RSRC1: variants seen among roughly 807,000 people sequenced by gnomAD.
RSRC1 encodes the protein serine/Arginine-related protein 53.
In RSRC1, 39 loss-of-function variants were observed where a neutral mutation model predicts 49.1. The ratio of observed to expected loss-of-function variants is 0.79; its 90% CI spans 0.61 to 1.04. RSRC1 has a LOEUF of 1.04. Ranked by LOEUF, RSRC1 falls within the 50% of genes least tolerant of loss-of-function variation. The pLI is 0.00. For synonymous variants in RSRC1, 143 were observed against 130.8 expected (o/e 1.09, Z -0.63); for missense variants, 388 against 402.4 (o/e 0.96, Z 0.31).
chr3:158,488,095 G>A (rs1175454736), intron 7 of RSRC1, among the ~76,000 whole-genome samples: 7 of 151,756 alleles, frequency 4.6e-5, no homozygotes, highest in African/African-American at 1.7e-4. Flanking sequence ...GCACAAAAAC[G>A]TGGACACTGA....
intron 6 of RSRC1, among the ~76,000 whole-genome samples, chr3:158,424,355 G>C (rs553521526): frequency 6.6e-4 from 100 of 151,948 alleles, no homozygotes; most frequent in African/African-American, 2.4e-3. Context: ...TTTTGTCTTT[G>C]GTTCTGTTTA....
At chr3:158,282,942 A>G (rs1726265703) in intron 4 of RSRC1, among the ~76,000 whole-genome samples, 1 of 152,178 alleles carries the variant, frequency 6.6e-6, no homozygotes, top group South Asian at 2.1e-4. Flanking sequence ...ATAGGAGCCA[A>G]AACTAACATA....
At chr3:158,211,637 G>A (rs895229827) in intron 4 of RSRC1, among the ~76,000 whole-genome samples, 1 of 151,824 alleles carries the variant, frequency 6.6e-6, no homozygotes, top group South Asian at 2.1e-4. Context: ...CAATATACCC[G>A]GTAGTCTTTT....
At chr3:158,538,758 C>A (rs1032238781) in intron 8 of RSRC1, among the ~76,000 whole-genome samples, 2 of 151,860 alleles carry the variant, frequency 1.3e-5, no homozygotes, top group Non-Finnish European at 2.9e-5. Flanking sequence ...TATAAAGCTT[C>A]ATAAGGTGGC....
chr3:158,364,267 T>C (rs1731636340), intron 6 of RSRC1, among the ~76,000 whole-genome samples: 1 of 150,262 alleles, frequency 6.7e-6, no homozygotes, highest in Admixed American at 6.7e-5. Context: ...CTGAAAGAGG[T>C]TTTGTCTGTA....
At chr3:158,411,518 T>TG (rs1364273892) in intron 6 of RSRC1, among the ~76,000 whole-genome samples, 3 of 149,960 alleles carry the variant, frequency 2.0e-5, no homozygotes, top group South Asian at 2.1e-4. Context: ...CTCTTTTTTT[T>TG]TTGTTTGTTT....
intron 6 of RSRC1, among the ~76,000 whole-genome samples, chr3:158,435,797 C>A (rs1482646273): frequency 1.3e-5 from 2 of 151,550 alleles, no homozygotes; most frequent in African/African-American, 4.8e-5. Flanking sequence ...AAACATACAT[C>A]TTTTAACTAG....
chr3:158,247,513 T>A (rs995751585), intron 4 of RSRC1, among the ~76,000 whole-genome samples: 1 of 152,206 alleles, frequency 6.6e-6, no homozygotes, highest in African/African-American at 2.4e-5. Flanking sequence ...AGGGTTTTGC[T>A]CTTCTTTGTG....
At chr3:158,298,628 G>A (rs994721055) in intron 5 of RSRC1, among the ~76,000 whole-genome samples, 2 of 152,018 alleles carry the variant, frequency 1.3e-5, no homozygotes, top group African/African-American at 2.4e-5. Flanking sequence ...AACTGATTTA[G>A]CATTAAAATC....
chr3:158,288,180 G>C (rs1726688286), intron 4 of RSRC1, among the ~76,000 whole-genome samples: 1 of 152,166 alleles, frequency 6.6e-6, no homozygotes, highest in Admixed American at 6.5e-5. Flanking sequence ...AACACTGCCA[G>C]GTCATGCTGG....
At chr3:158,177,296 A>C (rs1049714385) in intron 3 of RSRC1, among the ~76,000 whole-genome samples, 7 of 152,254 alleles carry the variant, frequency 4.6e-5, no homozygotes, top group Non-Finnish European at 8.8e-5. Context: ...TTCTGCATAT[A>C]TACCCAAAGG....
At position 158,388,758 on chromosome 3, in the gene RSRC1, C is replaced by T. The variant is rs141599039; in HGVS notation, c.583+33850C>T. Among the ~76,000 whole-genome samples, 864 of 152,138 alleles carry T rather than the reference C, an allele frequency of 5.7e-3. 11 individuals carry two copies. Among genetic ancestry groups the T allele is most frequent in the African/African-American group, 0.02 (841 of 41,522 alleles). The stretch of plus-strand genomic sequence containing the variant: ...CAGGGTAGCTTGCACTACAGGCACA[C>T]GCCACCATGCCCAGCTAATTTTTTG... On this transcript the variant is annotated intron_variant, in intron 6 of 9. Coordinates refer to ENST00000611884, the MANE Select transcript of RSRC1 (RefSeq NM_001271838.2).
At chr3:158,540,968 C>T (rs771419166) in intron 8 of RSRC1, among the ~76,000 whole-genome samples, 21 of 152,150 alleles carry the variant, frequency 1.4e-4, no homozygotes, top group Non-Finnish European at 2.1e-4. Context: ...CCCACAGTTA[C>T]CCAGCTTTCT....
intron 4 of RSRC1, among the ~76,000 whole-genome samples, chr3:158,239,199 A>C (rs1386652584): frequency 6.6e-6 from 1 of 152,100 alleles, no homozygotes. Flanking sequence ...ATCATTAAAA[A>C]GTCAGGAAAC....
Position 158,255,879 on chromosome 3 carries a change from T to C in RSRC1, c.495-42160T>C, listed in dbSNP as rs143410758. On this transcript the variant is annotated intron_variant, in intron 4 of 9. Coordinates refer to ENST00000611884, the MANE Select transcript of RSRC1 (RefSeq NM_001271838.2). ...GTTATTGGTGTCTGTTATTGGTGTA[T>C]AGGAATGCTTGTGATTTTTGCAAAT... 8.9e-3 allele frequency among the ~76,000 whole-genome samples: 1,352 copies of C among 152,286 alleles called. 17 individuals carry two copies. The highest frequency in any genetic ancestry group is 0.031 in the African/African-American group (1,295 of 41,552).
chr3:158,241,549 C>G (rs1304127000), intron 4 of RSRC1, among the ~76,000 whole-genome samples: 1 of 148,766 alleles, frequency 6.7e-6, no homozygotes, highest in Non-Finnish European at 1.5e-5. Context: ...TTTTTTTTTT[C>G]TAAAATCCTG....
chr3:158,149,430 C>G (rs766737486), intron 3 of RSRC1, among the ~76,000 whole-genome samples: 2 of 152,096 alleles, frequency 1.3e-5, no homozygotes, highest in Non-Finnish European at 2.9e-5. Flanking sequence ...CTGGTTTGGT[C>G]ACGCGTGACT....
At chr3:158,435,264 T>C (rs947189999) in intron 6 of RSRC1, among the ~76,000 whole-genome samples, 3 of 151,942 alleles carry the variant, frequency 2.0e-5, no homozygotes, top group African/African-American at 7.2e-5. Context: ...GCTTAACTTG[T>C]AGGTCTTAAT....
intron 6 of RSRC1, among the ~76,000 whole-genome samples, chr3:158,356,284 T>A (rs190038675): frequency 6.6e-6 from 1 of 152,132 alleles, no homozygotes; most frequent in Admixed American, 6.5e-5. Context: ...ATAATAGTTA[T>A]ATTTTTAGGA....
Sources: gnomAD v4.1 joint callset for allele counts (sites outside exome capture counted in the v4.1 genomes callset) on GRCh38, gnomAD v4.1.1 for gene constraint, MANE v1.5 for transcripts, NCBI Gene and HGNC (gene_info 2026-07-23, HGNC 2026-07-21) for gene names.